CTNND2: variants seen among roughly 807,000 people sequenced by gnomAD.
CTNND2 encodes catenin delta 2, also known as catenin delta-2.
In CTNND2, 22 loss-of-function variants were observed where a neutral mutation model predicts 144.4. That is an observed-to-expected ratio of 0.15 (90% CI 0.11 to 0.22). CTNND2 has a LOEUF of 0.22. CTNND2 is among the 10% of genes least tolerant of loss of function. The pLI is 1.00. For synonymous variants in CTNND2, 751 were observed against 695.6 expected, an observed-to-expected ratio of 1.08 and a Z score of -1.25; for missense variants, 1,353 against 1,618.8, an observed-to-expected ratio of 0.84 and a Z score of 2.82.
intron 11 of CTNND2, among the ~76,000 whole-genome samples, chr5:11,163,762 C>T (rs906292814): frequency 5.3e-5 from 8 of 152,188 alleles, no homozygotes; most frequent in African/African-American, 1.7e-4. Context: ...GATCCAGCTA[C>T]ACTTTGTAAC....
chr5:11,863,351 G>C (rs1419227271), intron 1 of CTNND2, among the ~76,000 whole-genome samples: 1 of 152,016 alleles, frequency 6.6e-6, no homozygotes. Context: ...TTGCTCAATG[G>C]GAATAAATCA....
chr5:11,621,048 G>A lies in CTNND2; in HGVS notation c.175-55992C>T, dbSNP rs1429766818. ...GCTGTTTACTCAGCCATTCTCAGGAGTCTCCTGAAAGAACGGTGTATATGT... is the reference window on the plus strand; with the variant it reads ...GCTGTTTACTCAGCCATTCTCAGGAATCTCCTGAAAGAACGGTGTATATGT... On this transcript the variant is annotated intron_variant, in intron 2 of 21. Coordinates refer to ENST00000304623, the MANE Select transcript of CTNND2 (RefSeq NM_001332.4). Among the ~76,000 whole-genome samples the A allele has an allele frequency of 3.9e-5, 6 of 152,156 alleles. No homozygotes were observed. In the East Asian group the frequency reaches 9.7e-4, roughly 24 times the overall value.
intron 1 of CTNND2, among the ~76,000 whole-genome samples, chr5:11,806,160 G>A (rs1237117867): frequency 6.6e-6 from 1 of 152,080 alleles, no homozygotes; most frequent in Non-Finnish European, 1.5e-5. Flanking sequence ...AAAGTGTGGA[G>A]TTTAGTTAAT....
chr5:11,252,192 C>A (rs993575095), intron 9 of CTNND2, among the ~76,000 whole-genome samples: 5 of 152,168 alleles, frequency 3.3e-5, no homozygotes, highest in African/African-American at 9.7e-5. Context: ...CCATTTGTTG[C>A]CCTTTCCCCA....
intron 7 of CTNND2, among the ~76,000 whole-genome samples, chr5:11,369,342 T>C (rs1757254430): frequency 6.6e-6 from 1 of 152,154 alleles, no homozygotes; most frequent in Admixed American, 6.5e-5. Flanking sequence ...CAGTGACAGA[T>C]CTCAGGGGGT....
intron 1 of CTNND2, among the ~76,000 whole-genome samples, chr5:11,739,708 G>A (rs1787888417): frequency 6.6e-6 from 1 of 152,148 alleles, no homozygotes; most frequent in South Asian, 2.1e-4. Context: ...TCAGGCAGGA[G>A]AAAGAAATAA....
At chr5:11,671,065 T>A (rs1217306381) in intron 2 of CTNND2, among the ~76,000 whole-genome samples, 1 of 152,184 alleles carries the variant, frequency 6.6e-6, no homozygotes, top group Non-Finnish European at 1.5e-5. Context: ...GAAATTCTGG[T>A]TTGAAAATTC....
At chr5:11,129,327 A>G (rs1384315864) in intron 12 of CTNND2, among the ~76,000 whole-genome samples, 3 of 109,718 alleles carry the variant, frequency 2.7e-5, no homozygotes, top group Non-Finnish European at 5.3e-5. Flanking sequence ...TATATAATAT[A>G]TATATATGCA....
chr5:11,558,745 T>C (rs919728255), intron 3 of CTNND2, among the ~76,000 whole-genome samples: 2 of 152,012 alleles, frequency 1.3e-5, no homozygotes, highest in African/African-American at 4.8e-5. Context: ...TAGCTTTGAG[T>C]GCAAGAACAT....
intron 9 of CTNND2, among the ~76,000 whole-genome samples, chr5:11,295,169 G>T (rs1292888718): frequency 6.6e-6 from 1 of 152,134 alleles, no homozygotes; most frequent in African/African-American, 2.4e-5. Context: ...AAAATCACAA[G>T]CATTCTTATA....
chr5:11,442,536 C>A (rs1289158740), intron 3 of CTNND2, among the ~76,000 whole-genome samples: 1 of 151,980 alleles, frequency 6.6e-6, no homozygotes, highest in East Asian at 1.9e-4. Flanking sequence ...TAGTTTGAAG[C>A]AACTTTTTCT....
rs1407376086 is a variant in CTNND2 at position 11,346,631 on chromosome 5, C to T, written c.1373-4G>A. On this transcript the variant is annotated splice_region_variant and splice_polypyrimidine_tract_variant and intron_variant, in intron 8 of 21. Transcript: ENST00000304623. The stretch of plus-strand genomic sequence containing the variant: ...TCGACACCAGGGGAAGATGGGGCTA[C>T]GACAGGAAAGTAGGGACAAAGTAAA... 15 of 1,471,112 alleles carry T rather than the reference C, an allele frequency of 1.0e-5. No homozygotes were observed. Among genetic ancestry groups the T allele is most frequent in the Admixed American group, 2.4e-5 (1 of 42,488 alleles). The allele number at this position is 1,471,112 out of a possible 1,614,324, so 91.1% of individuals were successfully genotyped here. A position where few individuals can be genotyped will look rare whatever the true frequency, so the allele number is the denominator to read the frequency against.
intron 3 of CTNND2, among the ~76,000 whole-genome samples, chr5:11,504,004 G>T (rs893511487): frequency 6.6e-6 from 1 of 152,188 alleles, no homozygotes; most frequent in African/African-American, 2.4e-5. Flanking sequence ...CCATTTAAGT[G>T]GCTTTACTGC....
At chr5:11,464,109 A>C (rs1766454847) in intron 3 of CTNND2, among the ~76,000 whole-genome samples, 1 of 152,228 alleles carries the variant, frequency 6.6e-6, no homozygotes, top group East Asian at 1.9e-4. Flanking sequence ...TTGTTCATTC[A>C]TTCATCTGAT....
chr5:11,127,215 T>C (rs903526025), intron 12 of CTNND2, among the ~76,000 whole-genome samples: 1 of 152,222 alleles, frequency 6.6e-6, no homozygotes, highest in Non-Finnish European at 1.5e-5. Flanking sequence ...CAAGGGCAAA[T>C]CTTGTTAATG....
chr5:11,262,619 G>T (rs1246343053), intron 9 of CTNND2, among the ~76,000 whole-genome samples: 2 of 151,658 alleles, frequency 1.3e-5, no homozygotes, highest in South Asian at 4.2e-4. Flanking sequence ...AAAATTAGCT[G>T]GGCGTGGTGG....
intron 1 of CTNND2, among the ~76,000 whole-genome samples, chr5:11,902,801 C>T (rs974802424): frequency 6.6e-6 from 1 of 152,022 alleles, no homozygotes; most frequent in Admixed American, 6.5e-5. Context: ...AAAAAAAACA[C>T]CTTGGAAACA....
At chr5:11,040,395 A>AT (rs1212338545) in intron 16 of CTNND2, among the ~76,000 whole-genome samples, 4 of 152,234 alleles carry the variant, frequency 2.6e-5, no homozygotes, top group Non-Finnish European at 2.9e-5. Context: ...ATGAGGCAGA[A>AT]TCTTACAGGT....
intron 18 of CTNND2, among the ~76,000 whole-genome samples, chr5:11,012,945 G>A (rs1561170584): frequency 6.6e-6 from 1 of 152,276 alleles, no homozygotes; most frequent in East Asian, 1.9e-4. Flanking sequence ...TGAAGGCTGT[G>A]GAAAGGCTGA....
Sources: gnomAD v4.1 joint callset for allele counts (sites outside exome capture counted in the v4.1 genomes callset) on GRCh38, gnomAD v4.1.1 for gene constraint, MANE v1.5 for transcripts, NCBI Gene and HGNC (gene_info 2026-07-23, HGNC 2026-07-21) for gene names.